RNLS: variants seen among roughly 807,000 people sequenced by gnomAD.
RNLS encodes renalase.
RNLS carries 39 observed loss-of-function variants against 39.8 expected under a neutral mutation model. The ratio of observed to expected loss-of-function variants is 0.98; its 90% CI spans 0.76 to 1.28. The LOEUF is 1.28. RNLS is among the 50% of genes most tolerant of loss of function. The pLI, the probability that RNLS is intolerant of heterozygous loss-of-function variation, is 0.00. For missense variants in RNLS, 410 were observed against 413.3 expected, an observed-to-expected ratio of 0.99 and a Z score of 0.07; for synonymous variants, 147 against 150.7, an observed-to-expected ratio of 0.98 and a Z score of 0.18.
intron 4 of RNLS, among the ~76,000 whole-genome samples, chr10:88,392,120 G>C (rs985367621): frequency 6.6e-6 from 1 of 152,222 alleles, no homozygotes; most frequent in Non-Finnish European, 1.5e-5. Flanking sequence ...TAACAGAAAT[G>C]ATTTTCAATT....
At chr10:88,306,674 G>C (rs1473281658) in intron 6 of RNLS, among the ~76,000 whole-genome samples, 3 of 152,112 alleles carry the variant, frequency 2.0e-5, no homozygotes, top group Non-Finnish European at 2.9e-5. Context: ...CTCTGAAGTT[G>C]AGTCAGTAAC....
the RNLS span, among the ~76,000 whole-genome samples, chr10:88,254,546 AGGT>A: frequency 6.6e-6 from 1 of 152,254 alleles, no homozygotes; most frequent in Non-Finnish European, 1.5e-5. Context: ...CCTGAGGCCC[AGGT>A]ATATTCCTGC....
At chr10:88,219,172 T>G in the RNLS span, among the ~76,000 whole-genome samples, 1 of 152,218 alleles carries the variant, frequency 6.6e-6, no homozygotes, top group Non-Finnish European at 1.5e-5. Flanking sequence ...AATTATTTGT[T>G]GAGTAAATGG....
the RNLS span, among the ~76,000 whole-genome samples, chr10:88,198,068 G>C: frequency 2.0e-5 from 3 of 152,216 alleles, no homozygotes; most frequent in Non-Finnish European, 4.4e-5. Context: ...GGAAGTGATT[G>C]ACTCTTGATC....
chr10:88,341,058 C>CAA lies in RNLS; in HGVS notation c.700+21492_700+21493dup, dbSNP rs58277887. Among the ~76,000 whole-genome samples, 38 of 128,496 alleles carry CAA rather than the reference C, an allele frequency of 3.0e-4. 1 individual carries two copies. The highest frequency in any genetic ancestry group is 1.2e-3 in the East Asian group (5 of 4,098). The allele number at this position is 128,496 out of a possible 152,430, so 84.3% of individuals were successfully genotyped here. A position where few individuals can be genotyped will look rare whatever the true frequency, so the allele number is the denominator to read the frequency against. On this transcript the variant is annotated intron_variant, in intron 5 of 6. Transcript: ENST00000331772. ...GGGGTAACAGAGCAAGATTCTGTCT[C>CAA]AAAAAAAAAAAAACAAAAAACAGCA...
intron 5 of RNLS, among the ~76,000 whole-genome samples, chr10:88,323,541 G>T (rs1846337818): frequency 6.6e-6 from 1 of 152,132 alleles, no homozygotes; most frequent in African/African-American, 2.4e-5. Flanking sequence ...GGGGAAAACT[G>T]GCTAGGGATA....
chr10:88,395,103 T>C (rs2133601957), intron 4 of RNLS, among the ~76,000 whole-genome samples: 1 of 151,328 alleles, frequency 6.6e-6, no homozygotes, highest in East Asian at 1.9e-4. Flanking sequence ...AAATGACGAG[T>C]TAATGGATGC....
chr10:88,488,264 A>C (rs968693542), intron 4 of RNLS, among the ~76,000 whole-genome samples: 2 of 152,052 alleles, frequency 1.3e-5, no homozygotes, highest in Admixed American at 6.6e-5. Flanking sequence ...AAATGATCAG[A>C]GGCTGGGCAT....
the RNLS span, among the ~76,000 whole-genome samples, chr10:88,175,795 A>T: frequency 2.8e-4 from 43 of 152,160 alleles, no homozygotes; most frequent in African/African-American, 9.4e-4. Context: ...AATTTTTTTT[A>T]AATTTTCTGT....
chr10:88,523,459 A>G lies in RNLS; in HGVS notation c.526+49444T>C, dbSNP rs558350661. On this transcript the variant is annotated intron_variant, in intron 4 of 6. Coordinates refer to ENST00000331772, the MANE Select transcript of RNLS (RefSeq NM_001031709.3). Reference sequence around the variant, plus strand: ...TCAGTTTAAGCCTATAAAGCAATACAACTAGATGGCATTTATTATTATTCC... The same window carrying G: ...TCAGTTTAAGCCTATAAAGCAATACGACTAGATGGCATTTATTATTATTCC... Among the ~76,000 whole-genome samples, 13 of 152,286 alleles carry G rather than the reference A, an allele frequency of 8.5e-5. No homozygotes were observed. The South Asian group carries it at 2.7e-3, about 32-fold the overall frequency.
chr10:88,326,424 G>C (rs1846614230), intron 5 of RNLS, among the ~76,000 whole-genome samples: 1 of 152,238 alleles, frequency 6.6e-6, no homozygotes, highest in South Asian at 2.1e-4. Context: ...AAAGAGACTA[G>C]TGGCATTTTG....
intron 4 of RNLS, among the ~76,000 whole-genome samples, chr10:88,383,658 C>T (rs1356536553): frequency 3.9e-5 from 6 of 152,060 alleles, no homozygotes; most frequent in African/African-American, 1.4e-4. Flanking sequence ...GAGGAGCTTC[C>T]ACCTACCCTT....
chr10:88,396,729 C>G (rs1327625720), intron 4 of RNLS, among the ~76,000 whole-genome samples: 1 of 149,124 alleles, frequency 6.7e-6, no homozygotes. Flanking sequence ...CCTGATCCAA[C>G]TCTATGCTCT....
chr10:88,511,477 C>T (rs1421778864), intron 4 of RNLS, among the ~76,000 whole-genome samples: 1 of 151,900 alleles, frequency 6.6e-6, no homozygotes, highest in Non-Finnish European at 1.5e-5. Flanking sequence ...AGGTGGAATT[C>T]CTGAGCAGAC....
intron 4 of RNLS, among the ~76,000 whole-genome samples, chr10:88,462,133 T>C (rs1019582916): frequency 2.6e-5 from 4 of 152,044 alleles, no homozygotes; most frequent in Non-Finnish European, 2.9e-5. Flanking sequence ...TTTGCCACTT[T>C]ATATTTGTGT....
Position 88,454,341 on chromosome 10 carries a change from G to A in RNLS, c.527-91616C>T, listed in dbSNP as rs186412050. ...TGGCATTGTGGGAGGAAATATACAG[G>A]ATCAATTTTGTATGTAGATCCACCT... On this transcript the variant is annotated intron_variant, in intron 4 of 6. Coordinates refer to ENST00000331772, the MANE Select transcript of RNLS (RefSeq NM_001031709.3). 2.0e-5 allele frequency among the ~76,000 whole-genome samples: 3 copies of A among 152,306 alleles called. No homozygotes were observed. The East Asian group carries it at 5.8e-4, about 29-fold the overall frequency.
chr10:88,212,823 G>A, the RNLS span, among the ~76,000 whole-genome samples: 5 of 152,212 alleles, frequency 3.3e-5, no homozygotes, highest in South Asian at 1.0e-3. Context: ...GTTGGCACAT[G>A]TCTTGCCCAA....
chr10:88,524,120 T>C (rs1013873046), intron 4 of RNLS, among the ~76,000 whole-genome samples: 2 of 151,388 alleles, frequency 1.3e-5, no homozygotes, highest in African/African-American at 2.4e-5. Context: ...AAACTGATTA[T>C]ATTAAAAAAA....
chr10:88,377,501 T>C (rs1262545900), intron 4 of RNLS, among the ~76,000 whole-genome samples: 1 of 152,194 alleles, frequency 6.6e-6, no homozygotes, highest in Non-Finnish European at 1.5e-5. Context: ...CTATATGGTC[T>C]AGTGGATTGC....
Sources: gnomAD v4.1 joint callset for allele counts (sites outside exome capture counted in the v4.1 genomes callset) on GRCh38, gnomAD v4.1.1 for gene constraint, MANE v1.5 for transcripts, NCBI Gene and HGNC (gene_info 2026-07-23, HGNC 2026-07-21) for gene names.